ALK: variants seen among roughly 807,000 people sequenced by gnomAD.
ALK encodes the protein ALK tyrosine kinase receptor.
ALK carries 74 observed loss-of-function variants against 163.1 expected under a neutral mutation model. The observed-to-expected ratio is 0.45, with a 90% CI of 0.38 to 0.55. The LOEUF (loss-of-function observed/expected upper bound fraction) is 0.55. Ranked by LOEUF, ALK falls within the 20% of genes least tolerant of loss-of-function variation. The pLI, the probability that ALK is intolerant of heterozygous loss-of-function variation, is 0.00. For missense variants in ALK, 2,063 were observed against 2,105.3 expected, an observed-to-expected ratio of 0.98 and a Z score of 0.39; for synonymous variants, 960 against 843.2, an observed-to-expected ratio of 1.14 and a Z score of -2.40.
At chr2:29,448,435 A>T (rs1190584351) in intron 4 of ALK, among the ~76,000 whole-genome samples, 2 of 152,172 alleles carry the variant, frequency 1.3e-5, no homozygotes, top group East Asian at 3.9e-4. Flanking sequence ...GGCGTGTTAA[A>T]CCAGAGGGTG....
intron 1 of ALK, among the ~76,000 whole-genome samples, chr2:29,876,332 G>A (rs1276361204): frequency 2.0e-5 from 3 of 152,076 alleles, no homozygotes; most frequent in African/African-American, 7.2e-5. Flanking sequence ...TGGTGGTGGT[G>A]GTGGTGATGG....
chr2:29,610,358 A>G (rs1675657797), intron 3 of ALK, among the ~76,000 whole-genome samples: 1 of 152,142 alleles, frequency 6.6e-6, no homozygotes, highest in African/African-American at 2.4e-5. Flanking sequence ...TGCATACTCC[A>G]GAGAAAGCTA....
chr2:29,595,310 T>C (rs1675178688), intron 3 of ALK, among the ~76,000 whole-genome samples: 1 of 150,978 alleles, frequency 6.6e-6, no homozygotes, highest in Non-Finnish European at 1.5e-5. Flanking sequence ...AGATCTGCTG[T>C]CTTACTGGAT....
At chr2:29,624,033 A>C (rs1397909078) in intron 3 of ALK, among the ~76,000 whole-genome samples, 2 of 98,912 alleles carry the variant, frequency 2.0e-5, no homozygotes, top group African/African-American at 6.5e-5. Context: ...TTCCTTTGTA[A>C]TGTGTAACAT....
chr2:29,627,912 T>C (rs920306983), intron 3 of ALK, among the ~76,000 whole-genome samples: 1 of 152,032 alleles, frequency 6.6e-6, no homozygotes, highest in Non-Finnish European at 1.5e-5. Flanking sequence ...TGAAAGAAAA[T>C]GCTGAAAGGG....
At chr2:29,293,403 T>A (rs958181482) in intron 9 of ALK, among the ~76,000 whole-genome samples, 1 of 152,186 alleles carries the variant, frequency 6.6e-6, no homozygotes, top group Non-Finnish European at 1.5e-5. Context: ...ACACAATCCC[T>A]ACCTTGTTAG....
chr2:29,382,162 A>G (rs889869761), intron 5 of ALK, among the ~76,000 whole-genome samples: 8 of 152,212 alleles, frequency 5.3e-5, no homozygotes, highest in African/African-American at 1.7e-4. Context: ...AATCAGAGGA[A>G]GACTCATCTT....
chr2:29,787,494 A>G (rs898810808), intron 1 of ALK, among the ~76,000 whole-genome samples: 41 of 152,250 alleles, frequency 2.7e-4, no homozygotes, highest in African/African-American at 9.6e-4. Flanking sequence ...ATGTGAAGAT[A>G]AACAATGCAC....
rs547876283 is a variant in ALK, at chr2:29,861,809, C to A, written c.667+58184G>T. ...AGGCAAAATTACCCTGATACTGAAG[C>A]CAGACAAGGATACTACAAGAAAAGA... On this transcript the variant is annotated intron_variant, in intron 1 of 28. Coordinates refer to ENST00000389048, the MANE Select transcript of ALK (RefSeq NM_004304.5). 1.1e-4 allele frequency among the ~76,000 whole-genome samples: 17 copies of A among 152,184 alleles called. 1 individual carries two copies. The South Asian group carries it at 3.5e-3, about 32-fold the overall frequency.
chr2:29,320,223 C>T (rs577606652), intron 7 of ALK, among the ~76,000 whole-genome samples: 11 of 152,256 alleles, frequency 7.2e-5, no homozygotes, highest in Non-Finnish European at 1.3e-4. Context: ...GGATGGACCC[C>T]GGAGAGGGGA....
chr2:29,886,859 C>T (rs1280610216), intron 1 of ALK, among the ~76,000 whole-genome samples: 3 of 152,282 alleles, frequency 2.0e-5, no homozygotes, highest in Non-Finnish European at 2.9e-5. Flanking sequence ...TTATTAAATG[C>T]CAATTTTCAA....
At chr2:29,835,811 C>T (rs1429962333) in intron 1 of ALK, among the ~76,000 whole-genome samples, 1 of 152,210 alleles carries the variant, frequency 6.6e-6, no homozygotes, top group Non-Finnish European at 1.5e-5. Context: ...TCTTACTTGT[C>T]TGCCTCCATG....
chr2:29,598,898 G>A (rs1421545706), intron 3 of ALK, among the ~76,000 whole-genome samples: 1 of 151,816 alleles, frequency 6.6e-6, no homozygotes, highest in Non-Finnish European at 1.5e-5. Context: ...ATATTACAAG[G>A]CACCTTAAGC....
intron 1 of ALK, among the ~76,000 whole-genome samples, chr2:29,866,028 TG>T (rs1289751326): frequency 2.2e-4 from 34 of 152,266 alleles, no homozygotes; most frequent in Middle Eastern, 3.4e-3. Context: ...CAGTGTTTTT[TG>T]TTTTTGTTTT....
intron 1 of ALK, among the ~76,000 whole-genome samples, chr2:29,880,833 T>C (rs1292913391): frequency 6.6e-6 from 1 of 152,066 alleles, no homozygotes; most frequent in Non-Finnish European, 1.5e-5. Context: ...GGAAGCAAGG[T>C]TTTGTGGCCA....
chr2:29,767,249 A>C (rs1010362171), intron 1 of ALK, among the ~76,000 whole-genome samples: 1 of 152,230 alleles, frequency 6.6e-6, no homozygotes, highest in Non-Finnish European at 1.5e-5. Flanking sequence ...AAGGTCACAC[A>C]ACTTTTAACT....
chr2:29,225,530 G>T lies in ALK; in HGVS notation c.3103C>A (p.Leu1035Met). Reference sequence around the variant, plus strand: ...GCAGAGGTCACCACAGAGAGGATCAGCGAGAGTGGCAGGTGTGGCTCCGGG... The same window carrying T: ...GCAGAGGTCACCACAGAGAGGATCATCGAGAGTGGCAGGTGTGGCTCCGGG... ...PTPEPHLPLSLILSVVTSALV... is the reference protein window; with the variant it reads ...PTPEPHLPLSMILSVVTSALV... The change falls in exon 19 of 29, where the codon CTG becomes ATG. Residue 1035 changes from leucine (L) to methionine (M), a missense_variant. By Grantham distance (15) the Leu-to-Met change is conservative. Coordinates refer to ENST00000389048, the MANE Select transcript of ALK (RefSeq NM_004304.5). 6.2e-7 allele frequency: 1 copy of T among 1,613,382 alleles called. No individual in the cohort carries two copies. The highest frequency in any genetic ancestry group is 8.5e-7 in the Non-Finnish European group (1 of 1,179,934).
At chr2:29,627,838 G>C (rs4476307) in intron 3 of ALK, among the ~76,000 whole-genome samples, 8,575 of 152,272 alleles carry the variant, frequency 0.056, 338 homozygotes, top group Admixed American at 0.11. Context: ...AAGAGATCTT[G>C]TGTGTTTAAA....
intron 5 of ALK, among the ~76,000 whole-genome samples, chr2:29,332,621 AG>A (rs1478501186): frequency 6.6e-6 from 1 of 152,222 alleles, no homozygotes; most frequent in African/African-American, 2.4e-5. Context: ...ATGCTTTATA[AG>A]TATGTATAGT....
Sources: gnomAD v4.1 joint callset for allele counts (sites outside exome capture counted in the v4.1 genomes callset) on GRCh38, gnomAD v4.1.1 for gene constraint, MANE v1.5 for transcripts, NCBI Gene and HGNC (gene_info 2026-07-23, HGNC 2026-07-21) for gene names.